The following TNN variants were observed in gnomAD, a reference collection of about 807,000 sequenced individuals.
TNN encodes tenascin N.
TNN carries 122 observed loss-of-function variants against 134.4 expected under a neutral mutation model. The observed-to-expected ratio is 0.91, with a 90% CI of 0.78 to 1.06. The LOEUF (loss-of-function observed/expected upper bound fraction) is 1.06, where lower values mean the gene tolerates loss of function less well. Ranked by LOEUF, TNN falls within the 50% of genes least tolerant of loss-of-function variation. The pLI, the probability that TNN is intolerant of heterozygous loss-of-function variation, is 0.00. For missense variants in TNN, 1,739 were observed against 1,699.4 expected, an observed-to-expected ratio of 1.02 and a Z score of -0.41; for synonymous variants, 710 against 670.3, an observed-to-expected ratio of 1.06 and a Z score of -0.91.
At chr1:175,139,120 G>GT (rs1675887990) in intron 17 of TNN, among the ~76,000 whole-genome samples, 1 of 152,172 alleles carries the variant, frequency 6.6e-6, no homozygotes, top group Non-Finnish European at 1.5e-5. Flanking sequence ...GGACAGGACT[G>GT]TGCACTCCTG....
chr1:175,098,484 C>A lies in TNN; in HGVS notation c.2008C>A (p.Gln670Lys). ...ETREVPVGKEQSSTVLTGLRP... is the reference protein window; with the variant it reads ...ETREVPVGKEKSSTVLTGLRP... ...CAGGGAGGTTCCGGTGGGGAAGGAG[C>A]AGAGCAGCACAGTCCTGACAGGCCT... Residue 670 changes from glutamine (Q) to lysine (K), a missense_variant, in exon 9 of 19, where the codon CAG becomes AAG. Physicochemically the swap from Gln to Lys is moderately conservative, Grantham distance 53 (BLOSUM62 1). Coordinates refer to ENST00000239462, the MANE Select transcript of TNN (RefSeq NM_022093.2). 1.2e-6 allele frequency: 2 copies of A among 1,614,130 alleles called. No individual in the cohort carries two copies. Among genetic ancestry groups the A allele is most frequent in the Non-Finnish European group, 1.7e-6 (2 of 1,180,028 alleles).
rs1348781883 is a variant in TNN at position 175,103,499 on chromosome 1, C to T, written c.2119+4904C>T. Among the ~76,000 whole-genome samples the T allele has an allele frequency of 2.7e-5, 4 of 145,930 alleles. 1 individual carries two copies. Among genetic ancestry groups the T allele is most frequent in the Non-Finnish European group, 6.1e-5 (4 of 65,838 alleles). The stretch of plus-strand genomic sequence containing the variant: ...GAGGCAGATATGGGTTGAAGATCCA[C>T]ATAAGTAGAATATGCCTTGGCTGGG... On this transcript the variant is annotated intron_variant, in intron 9 of 18. Transcript: ENST00000239462.
At chr1:175,111,000 C>A (rs765244900) in intron 9 of TNN, among the ~76,000 whole-genome samples, 2 of 151,148 alleles carry the variant, frequency 1.3e-5, no homozygotes, top group Non-Finnish European at 2.9e-5. Flanking sequence ...CATGGTGAAA[C>A]CCTGTTTCTA....
rs1227202809 is a variant in TNN, at chr1:175,092,829, C to T, written c.1325-1161C>T. On this transcript the variant is annotated intron_variant, in intron 6 of 18. Coordinates refer to ENST00000239462, the MANE Select transcript of TNN (RefSeq NM_022093.2). ...AAGCCAACAAATCATTCATTGTATCCCATGTTGAATCCATCAGCAGATTAT... is the reference window on the plus strand; with the variant it reads ...AAGCCAACAAATCATTCATTGTATCTCATGTTGAATCCATCAGCAGATTAT... Among the ~76,000 whole-genome samples the T allele has an allele frequency of 2.0e-5, 3 of 152,278 alleles. No individual in the cohort carries two copies. The South Asian group carries it at 6.2e-4, about 32-fold the overall frequency.
At chr1:175,082,256 T>G (rs1674214172) in intron 4 of TNN, among the ~76,000 whole-genome samples, 1 of 152,204 alleles carries the variant, frequency 6.6e-6, no homozygotes, top group African/African-American at 2.4e-5. Flanking sequence ...TAGCAACCCC[T>G]CATCCATCTT....
intron 6 of TNN, among the ~76,000 whole-genome samples, chr1:175,092,468 A>G (rs150534567): frequency 1.2e-4 from 18 of 152,304 alleles, no homozygotes; most frequent in African/African-American, 4.3e-4. Context: ...TTCAAGAACG[A>G]GTTTCTCTCT....
Position 175,120,890 on chromosome 1 carries a change from T to G in TNN, c.2650+2066T>G, listed in dbSNP as rs1675357319. ...ATCACAGTTCACTGCAGGCTTGACC[T>G]CCCGGGCTCAAGCCATCCTCCCACC... On this transcript the variant is annotated intron_variant, in intron 11 of 18. Transcript: ENST00000239462. 2.0e-5 allele frequency among the ~76,000 whole-genome samples: 3 copies of G among 152,186 alleles called. No individual in the cohort carries two copies. In the South Asian group the frequency reaches 6.2e-4, roughly 32 times the overall value.
intron 7 of TNN, among the ~76,000 whole-genome samples, chr1:175,096,421 T>A (rs1674571839): frequency 6.6e-6 from 1 of 152,226 alleles, no homozygotes; most frequent in Admixed American, 6.5e-5. Flanking sequence ...TGGTGCATGC[T>A]GAACTTTGCT....
chr1:175,075,262 A>G (rs1674013534), intron 1 of TNN, among the ~76,000 whole-genome samples: 1 of 152,184 alleles, frequency 6.6e-6, no homozygotes, highest in Admixed American at 6.5e-5. Flanking sequence ...TCTTCCTTTT[A>G]TAATCAATAT....
chr1:175,112,204 T>C (rs1345819631), intron 9 of TNN, among the ~76,000 whole-genome samples: 3 of 152,184 alleles, frequency 2.0e-5, no homozygotes, highest in African/African-American at 7.2e-5. Flanking sequence ...TCATGAAACG[T>C]TGTTGAATGT....
chr1:175,079,447 G>A lies in TNN; in HGVS notation c.524G>A (p.Cys175Tyr). ...GAGCGGCTGGCCTGCCCCGGGGCGT[G>A]CAGCGGCCACGGGCGTTGCGTGGAC... ...ACERLACPGA[C>Y]SGHGRCVDGR... Residue 175 changes from cysteine to tyrosine, a missense_variant, in exon 3 of 19, where the codon TGC (cysteine) becomes TAC (tyrosine). Transcript: ENST00000239462. 1.3e-6 allele frequency: 2 copies of A among 1,576,962 alleles called. No homozygotes were observed. Among genetic ancestry groups the A allele is most frequent in the Non-Finnish European group, 8.6e-7 (1 of 1,164,640 alleles).
chr1:175,125,914 TCTC>T (rs1019533925), intron 12 of TNN, among the ~76,000 whole-genome samples: 16 of 148,870 alleles, frequency 1.1e-4, no homozygotes, highest in African/African-American at 3.7e-4. Flanking sequence ...CCGCTCTCTC[TCTC>T]TTCTCTTTCT....
chr1:175,081,790 G>A (rs1172919943), intron 4 of TNN, among the ~76,000 whole-genome samples: 1 of 152,210 alleles, frequency 6.6e-6, no homozygotes. Context: ...ACTGGTTAGA[G>A]AATCTGGGCC....
At chr1:175,118,974 A>G in intron 11 of TNN, 150 bp downstream of exon 11, 1 of 1,165,410 alleles carries the variant, frequency 8.6e-7, no homozygotes, top group Non-Finnish European at 1.2e-6. Flanking sequence ...AACAAAACAA[A>G]AACAAAAAAC....
intron 1 of TNN, among the ~76,000 whole-genome samples, chr1:175,068,849 G>A (rs1011911292): frequency 2.6e-5 from 4 of 152,068 alleles, no homozygotes; most frequent in East Asian, 1.9e-4. Context: ...TGGAGGTTGC[G>A]GTGAGCCGAG....
In TNN at chr1:175,077,387, T is replaced by C; in HGVS notation, c.-32T>C. ...TTTGCAATGTTTCTGAATACAGGCA[T>C]CCTGGAGGGTCTGCTCCCTGTCTTT... On this transcript the variant is annotated 5_prime_UTR_variant, in exon 2 of 19. Coordinates refer to ENST00000239462, the MANE Select transcript of TNN (RefSeq NM_022093.2). The C allele has an allele frequency of 6.3e-7, 1 of 1,584,260 alleles. No individual in the cohort carries two copies. The highest frequency in any genetic ancestry group is 2.2e-5 in the East Asian group (1 of 44,498).
rs1367579722 is a variant in TNN, at chr1:175,128,063, T to C, written c.3077T>C (p.Phe1026Ser). Residue 1026 changes from phenylalanine to serine, a missense_variant, in exon 14 of 19, where the codon TTT becomes TCT. Physicochemically the swap from Phe to Ser is radical, Grantham distance 155. Transcript: ENST00000239462. ...EMQLGREDQR[F>S]ALQGLEQGAT... ...CAGCTGGGACGGGAAGACCAGAGGT[T>C]TGCGTTGCAAGGCCTTGAGCAAGGC... 6.2e-7 allele frequency: 1 copy of C among 1,614,058 alleles called. No individual in the cohort carries two copies. The highest frequency in any genetic ancestry group is 2.2e-5 in the East Asian group (1 of 44,894).
At chr1:175,132,676 G>T (rs1675704309) in intron 15 of TNN, among the ~76,000 whole-genome samples, 1 of 152,156 alleles carries the variant, frequency 6.6e-6, no homozygotes, top group African/African-American at 2.4e-5. Context: ...GTTTTACCAT[G>T]AGCTGGCTGA....
chr1:175,123,327 T>C, intron 11 of TNN, 73 bp from the exon 12 acceptor site: 1 of 1,512,440 alleles, frequency 6.6e-7, no homozygotes, highest in Non-Finnish European at 9.0e-7. Flanking sequence ...GGAGAGCTCC[T>C]GGTGATGAGG....
Sources: allele counts gnomAD v4.1 joint callset (sites outside exome capture counted in the v4.1 genomes callset), GRCh38; gene constraint gnomAD v4.1.1; transcripts MANE v1.5; gene names NCBI Gene and HGNC (gene_info 2026-07-23, HGNC 2026-07-21).